KCND2: variants seen among roughly 807,000 people sequenced by gnomAD.
KCND2 encodes the protein potassium voltage-gated channel subfamily D member 2.
A neutral mutation model predicts 54.4 loss-of-function variants in KCND2; 16 were observed. The observed-to-expected ratio is 0.29, with a 90% confidence interval of 0.20 to 0.45. The LOEUF (loss-of-function observed/expected upper bound fraction) is 0.45. Among genes scored for constraint, KCND2 ranks in the 20% least tolerant of loss-of-function variants. KCND2 has a pLI of 1.00. For missense variants in KCND2, 486 were observed against 824.2 expected (o/e 0.59, Z 5.02); for synonymous variants, 317 against 310.7 (o/e 1.02, Z -0.21).
rs114304157 is a variant in KCND2 at position 120,423,581 on chromosome 7, G to A, written c.1115+147834G>A. Among the ~76,000 whole-genome samples the A allele has an allele frequency of 1.4e-3, 218 of 152,276 alleles. 1 individual carries two copies. The highest frequency in any genetic ancestry group is 5.2e-3 in the African/African-American group (215 of 41,554). Reference sequence around the variant, plus strand: ...TTTCTCCCATAAAGCTGTGTATCGTGTCTCTGAATGGTCTGAATGCAAGAA... The same window carrying A: ...TTTCTCCCATAAAGCTGTGTATCGTATCTCTGAATGGTCTGAATGCAAGAA... On this transcript the variant is annotated intron_variant, in intron 1 of 5. Coordinates refer to ENST00000331113, the MANE Select transcript of KCND2 (RefSeq NM_012281.3).
At chr7:120,383,012 A>G (rs1336706846) in intron 1 of KCND2, among the ~76,000 whole-genome samples, 1 of 151,960 alleles carries the variant, frequency 6.6e-6, no homozygotes, top group African/African-American at 2.4e-5. Flanking sequence ...GTCACTAGTT[A>G]GCTACACCTA....
chr7:120,536,727 A>G (rs1314289538), intron 1 of KCND2, among the ~76,000 whole-genome samples: 1 of 152,094 alleles, frequency 6.6e-6, no homozygotes, highest in East Asian at 1.9e-4. Context: ...CAATTCAGCC[A>G]TATCATTAGG....
intron 1 of KCND2, among the ~76,000 whole-genome samples, chr7:120,614,016 ATT>A (rs763691698): frequency 4.2e-4 from 59 of 141,320 alleles, no homozygotes; most frequent in Admixed American, 4.2e-4. Context: ...TCTTTGTTGG[ATT>A]TTTTTTTTTT....
rs574507841 is a variant in KCND2, at chr7:120,480,378, C to G, written c.1115+204631C>G. Among the ~76,000 whole-genome samples, 25 of 152,190 alleles carry G rather than the reference C, an allele frequency of 1.6e-4. No individual in the cohort carries two copies. The East Asian group carries it at 3.3e-3, about 20-fold the overall frequency. ...AACAGAAACTCCTGTATTCAATAAT[C>G]AAGAATTTTATTCATTAAAAGACTT... is the stretch of plus-strand genomic sequence containing the variant. On this transcript the variant is annotated intron_variant, in intron 1 of 5. Coordinates refer to ENST00000331113, the MANE Select transcript of KCND2 (RefSeq NM_012281.3).
intron 1 of KCND2, among the ~76,000 whole-genome samples, chr7:120,441,626 A>G (rs1024663478): frequency 6.6e-6 from 1 of 152,146 alleles, no homozygotes; most frequent in Non-Finnish European, 1.5e-5. Flanking sequence ...TGGGACATAG[A>G]AAACTCTCTT....
At chr7:120,616,893 G>T (rs557624146) in intron 1 of KCND2, among the ~76,000 whole-genome samples, 3 of 152,092 alleles carry the variant, frequency 2.0e-5, no homozygotes, top group African/African-American at 7.2e-5. Flanking sequence ...TCTGCCCTCT[G>T]TGTTCTCAGT....
At chr7:120,693,868 A>G (rs1584886391) in intron 1 of KCND2, among the ~76,000 whole-genome samples, 1 of 152,174 alleles carries the variant, frequency 6.6e-6, no homozygotes, top group African/African-American at 2.4e-5. Flanking sequence ...GAAAGGCCAG[A>G]AAGGAGATGA....
At chr7:120,387,739 G>C (rs1454579350) in intron 1 of KCND2, among the ~76,000 whole-genome samples, 1 of 151,990 alleles carries the variant, frequency 6.6e-6, no homozygotes, top group African/African-American at 2.4e-5. Context: ...AGAAGTAAGT[G>C]GTGAAATTTT....
intron 1 of KCND2, among the ~76,000 whole-genome samples, chr7:120,327,487 G>A (rs1316591398): frequency 2.0e-5 from 3 of 151,988 alleles, no homozygotes; most frequent in Non-Finnish European, 4.4e-5. Flanking sequence ...CTGTAAATAG[G>A]AGTATTCATT....
chr7:120,743,055 A>C (rs1584904034), intron 4 of KCND2, among the ~76,000 whole-genome samples: 1 of 152,356 alleles, frequency 6.6e-6, no homozygotes, highest in Middle Eastern at 3.4e-3. Flanking sequence ...ATTCACAACC[A>C]TAATGAATAG....
chr7:120,394,243 G>A (rs997402195), intron 1 of KCND2, among the ~76,000 whole-genome samples: 1 of 151,868 alleles, frequency 6.6e-6, no homozygotes, highest in Admixed American at 6.6e-5. Context: ...AGTATAGTTT[G>A]GTGGGTAGAA....
intron 1 of KCND2, among the ~76,000 whole-genome samples, chr7:120,466,837 C>A (rs1802377601): frequency 6.6e-6 from 1 of 152,108 alleles, no homozygotes; most frequent in Admixed American, 6.6e-5. Context: ...TCTGGAGGTT[C>A]CAGGAGAGAA....
At chr7:120,435,745 A>G (rs1801856472) in intron 1 of KCND2, among the ~76,000 whole-genome samples, 1 of 152,066 alleles carries the variant, frequency 6.6e-6, no homozygotes, top group Non-Finnish European at 1.5e-5. Context: ...ATATATATAT[A>G]TATAGCCAGT....
At chr7:120,554,501 C>T (rs769188177) in intron 1 of KCND2, among the ~76,000 whole-genome samples, 1 of 152,024 alleles carries the variant, frequency 6.6e-6, no homozygotes, top group African/African-American at 2.4e-5. Flanking sequence ...CTCCGCCTCC[C>T]GGGTTCATGC....
chr7:120,519,005 T>G (rs1163797062), intron 1 of KCND2, among the ~76,000 whole-genome samples: 1 of 152,070 alleles, frequency 6.6e-6, no homozygotes, highest in Non-Finnish European at 1.5e-5. Context: ...TGTTGCTGGT[T>G]TGCAAATGGA....
intron 1 of KCND2, among the ~76,000 whole-genome samples, chr7:120,438,745 C>T (rs894174467): frequency 6.6e-6 from 1 of 152,114 alleles, no homozygotes; most frequent in African/African-American, 2.4e-5. Flanking sequence ...AAGTAGTGAT[C>T]TGCCAGGATA....
intron 1 of KCND2, among the ~76,000 whole-genome samples, chr7:120,336,121 C>G (rs1385335026): frequency 6.6e-6 from 1 of 152,038 alleles, no homozygotes; most frequent in African/African-American, 2.4e-5. Context: ...AAATTTTCAT[C>G]ACAGGAATTA....
intron 1 of KCND2, among the ~76,000 whole-genome samples, chr7:120,484,149 G>A (rs1001892443): frequency 2.6e-5 from 4 of 152,118 alleles, no homozygotes; most frequent in Admixed American, 6.6e-5. Context: ...AGGCAGTGCC[G>A]CCTTGGAGAT....
At chr7:120,650,479 G>T (rs1466047382) in intron 1 of KCND2, among the ~76,000 whole-genome samples, 1 of 142,776 alleles carries the variant, frequency 7.0e-6, no homozygotes, top group East Asian at 1.9e-4. Flanking sequence ...GTCATTTAAG[G>T]ACTTCTCTAC....
Sources: allele counts gnomAD v4.1 joint callset (sites outside exome capture counted in the v4.1 genomes callset), GRCh38; gene constraint gnomAD v4.1.1; transcripts MANE v1.5; gene names NCBI Gene and HGNC (gene_info 2026-07-23, HGNC 2026-07-21).